The following APPL1 variants were observed in gnomAD, a reference collection of about 807,000 sequenced individuals.
The protein encoded by APPL1 is DCC-interacting protein 13-alpha.
Under a neutral mutation model 106.8 loss-of-function variants are expected in APPL1, and 42 were observed. The ratio of observed to expected loss-of-function variants is 0.39; its 90% CI spans 0.31 to 0.51. The LOEUF is 0.51. Ranked by LOEUF, APPL1 falls within the 20% of genes least tolerant of loss-of-function variation. The pLI is 0.75. For missense variants in APPL1, 769 were observed against 858.2 expected (o/e 0.90, Z 1.30); for synonymous variants, 263 against 281.8 (o/e 0.93, Z 0.67).
At position 57,270,335 on chromosome 3, in the gene APPL1, C is replaced by T. The variant is rs545945188; in HGVS notation, c.*648C>T. 1 of 152,736 alleles carries T rather than the reference C, an allele frequency of 6.5e-6. No homozygotes were observed. The highest frequency in any genetic ancestry group is 2.1e-4 in the South Asian group (1 of 4,830). 9.5% of individuals were successfully genotyped at this position (152,736 alleles called of 1,614,324 possible). A position where few individuals can be genotyped will look rare whatever the true frequency, so the allele number is the denominator to read the frequency against. On this transcript the variant is annotated 3_prime_UTR_variant, in exon 22 of 22. Coordinates refer to ENST00000288266, the MANE Select transcript of APPL1 (RefSeq NM_012096.3). ...GCCAGTAGGAAAGAAGCTTAAGTGT[C>T]TTCAGTTCAAGATTGATAGAGCCCT... is the stretch of plus-strand genomic sequence containing the variant.
At chr3:57,229,897 A>G (rs2060677600) in intron 1 of APPL1, among the ~76,000 whole-genome samples, 1 of 151,790 alleles carries the variant, frequency 6.6e-6, no homozygotes, top group Non-Finnish European at 1.5e-5. Flanking sequence ...TACTTTTTGT[A>G]GAGACGGGGT....
chr3:57,258,982 T>A, intron 15 of APPL1, 46 bp from the exon 16 acceptor site: 1 of 1,396,456 alleles, frequency 7.2e-7, no homozygotes, highest in Non-Finnish European at 1.0e-6. Flanking sequence ...TCTATGTGGC[T>A]CATGGTAACT....
chr3:57,235,538 A>G (rs1417003697), intron 1 of APPL1, 28 bp from the exon 2 acceptor site: 11 of 1,432,858 alleles, frequency 7.7e-6, no homozygotes, highest in Admixed American at 3.6e-5. Flanking sequence ...AATGATTAAC[A>G]TAAACTTATT....
chr3:57,252,394 T>A, intron 12 of APPL1, 83 bp downstream of exon 12: 2 of 1,053,932 alleles, frequency 1.9e-6, no homozygotes, highest in Non-Finnish European at 2.7e-6. Flanking sequence ...GTGTTCATTG[T>A]AGAAATTTTG....
At chr3:57,251,993 A>G (rs547513525) in intron 11 of APPL1, among the ~76,000 whole-genome samples, 13 of 152,268 alleles carry the variant, frequency 8.5e-5, no homozygotes, top group African/African-American at 3.1e-4. Flanking sequence ...CTTCACTGAA[A>G]TGTAACTTTG....
At chr3:57,250,036 G>A (rs770826557) in intron 11 of APPL1, among the ~76,000 whole-genome samples, 8 of 152,160 alleles carry the variant, frequency 5.3e-5, no homozygotes, top group Non-Finnish European at 1.0e-4. Context: ...TATGTAATGT[G>A]ACTGACATAT....
intron 1 of APPL1, among the ~76,000 whole-genome samples, chr3:57,233,486 GA>G (rs1419794871): frequency 4.1e-4 from 51 of 125,836 alleles, no homozygotes; most frequent in Non-Finnish European, 4.5e-4. Context: ...CCCATTTTTA[GA>G]AAAAAAAAAA....
At chr3:57,237,203 A>G (rs769839566) in intron 2 of APPL1, among the ~76,000 whole-genome samples, 2 of 152,132 alleles carry the variant, frequency 1.3e-5, no homozygotes, top group African/African-American at 2.4e-5. Context: ...AGATTTTGCT[A>G]AGGTTATATC....
In APPL1 at chr3:57,270,957, T is replaced by A. The variant is rs2060934030; in HGVS notation, c.*1270T>A. The A allele has an allele frequency of 6.6e-6, 1 of 152,182 alleles. No individual in the cohort carries two copies. The highest frequency in any genetic ancestry group is 6.5e-5 in the Admixed American group (1 of 15,274). The allele number at this position is 152,182 out of a possible 1,614,324, so 9.4% of individuals were successfully genotyped here. On this transcript the variant is annotated 3_prime_UTR_variant, in exon 22 of 22. Transcript: ENST00000288266. The stretch of plus-strand genomic sequence containing the variant: ...TGTTTATGTTAAACCTTAATTTTTT[T>A]TCTGTAATCACTTTTAACACTGCTA...
chr3:57,261,056 A>C (rs888842415), intron 19 of APPL1, among the ~76,000 whole-genome samples: 6 of 152,024 alleles, frequency 3.9e-5, no homozygotes, highest in African/African-American at 1.5e-4. Flanking sequence ...TATTCTTTCT[A>C]TCGTAATTTA....
At chr3:57,260,323 A>G in intron 18 of APPL1, 170 bp downstream of exon 18, 1 of 668,820 alleles carries the variant, frequency 1.5e-6, no homozygotes. Context: ...TTGTCATTGA[A>G]CATTTTATGT....
At chr3:57,256,141 C>G (rs915102644) in intron 13 of APPL1, among the ~76,000 whole-genome samples, 13 of 152,014 alleles carry the variant, frequency 8.6e-5, no homozygotes, top group Non-Finnish European at 1.9e-4. Context: ...CCTAGGAGAT[C>G]AAGGATGCAG....
Position 57,246,161 on chromosome 3 carries a change from C to G in APPL1, c.560C>G (p.Thr187Ser), listed in dbSNP as rs1466796818. 1 of 1,612,290 alleles carries G rather than the reference C, an allele frequency of 6.2e-7. No homozygotes were observed. The highest frequency in any genetic ancestry group is 2.2e-5 in the East Asian group (1 of 44,704). ...TMMHYFCALN[T>S]LQYKKKIALL... ...ATGCATTATTTTTGTGCATTAAATACTCTTCAGTACAAGAAGAAAATAGCA... is the reference window on the plus strand; with the variant it reads ...ATGCATTATTTTTGTGCATTAAATAGTCTTCAGTACAAGAAGAAAATAGCA... Residue 187 changes from threonine (T) to serine (S), a missense_variant, in exon 8 of 22, where the codon ACT becomes AGT. Physicochemically the swap from Thr to Ser is moderately conservative, Grantham distance 58 (BLOSUM62 1). Transcript: ENST00000288266.
chr3:57,264,801 CTTTTT>C (rs201592600), intron 19 of APPL1, among the ~76,000 whole-genome samples: 2 of 114,252 alleles, frequency 1.8e-5, no homozygotes, highest in African/African-American at 3.2e-5. Flanking sequence ...GTCTATGTGT[CTTTTT>C]TTTTTTTTTT....
In APPL1 at chr3:57,272,976, A is replaced by G. The variant is rs1166491738; in HGVS notation, c.*3289A>G. 6.6e-6 allele frequency: 1 copy of G among 152,612 alleles called. No individual in the cohort carries two copies. Among genetic ancestry groups the G allele is most frequent in the Non-Finnish European group, 1.5e-5 (1 of 68,028 alleles). The allele number at this position is 152,612 out of a possible 1,614,324, so 9.5% of individuals were successfully genotyped here. A position where few individuals can be genotyped will look rare whatever the true frequency, so the allele number is the denominator to read the frequency against. ...TGTATTTTAAATACTTAAACACACC[A>G]ATTGTAGAAAGCAACCCTTTATTTT... is the stretch of plus-strand genomic sequence containing the variant. On this transcript the variant is annotated 3_prime_UTR_variant, in exon 22 of 22. Coordinates refer to ENST00000288266, the MANE Select transcript of APPL1 (RefSeq NM_012096.3).
intron 10 of APPL1, among the ~76,000 whole-genome samples, chr3:57,249,108 T>C (rs2060790010): frequency 6.6e-6 from 1 of 152,246 alleles, no homozygotes; most frequent in African/African-American, 2.4e-5. Flanking sequence ...CTATATTTTA[T>C]GGATCATTAT....
At chr3:57,247,560 T>A (rs2060781058) in intron 9 of APPL1, 83 bp downstream of exon 9, 1 of 886,078 alleles carries the variant, frequency 1.1e-6, no homozygotes, top group African/African-American at 1.7e-5. Flanking sequence ...ATATTTATCA[T>A]TTACTTTCCT....
Position 57,260,308 on chromosome 3 carries a change from A to G in APPL1, c.1695+155A>G, listed in dbSNP as rs577600953. The stretch of plus-strand genomic sequence containing the variant: ...GTAGTTAAGTCTATGGCCATCTCCA[A>G]AAAGTTGTCATTGAACATTTTATGT... On this transcript the variant is annotated intron_variant, in intron 18 of 21. Coordinates refer to ENST00000288266, the MANE Select transcript of APPL1 (RefSeq NM_012096.3). The G allele has an allele frequency of 5.3e-5, 40 of 747,942 alleles. No individual in the cohort carries two copies. In the African/African-American group the frequency reaches 5.4e-4, roughly 10 times the overall value. 46.3% of individuals were successfully genotyped at this position (747,942 alleles called of 1,614,324 possible).
chr3:57,260,605 G>C, intron 18 of APPL1, 23 bp from the exon 19 acceptor site: 1 of 1,593,322 alleles, frequency 6.3e-7, no homozygotes, highest in South Asian at 1.2e-5. Flanking sequence ...TCTCATGTTT[G>C]CTTCTGATGT....
Sources: allele counts gnomAD v4.1 joint callset (sites outside exome capture counted in the v4.1 genomes callset), GRCh38; gene constraint gnomAD v4.1.1; transcripts MANE v1.5; gene names NCBI Gene and HGNC (gene_info 2026-07-23, HGNC 2026-07-21).